TMTC2: variants seen among roughly 807,000 people sequenced by gnomAD.
TMTC2 encodes protein O-mannosyl-transferase TMTC2.
A neutral mutation model predicts 82.4 loss-of-function variants in TMTC2; 43 were observed. That is an observed-to-expected ratio of 0.52 (90% confidence interval 0.41 to 0.67). The LOEUF (loss-of-function observed/expected upper bound fraction) is 0.67, where lower values mean the gene tolerates loss of function less well. TMTC2 is among the 30% of genes least tolerant of loss of function. The pLI, the probability that TMTC2 is intolerant of heterozygous loss-of-function variation, is 0.00. For synonymous variants in TMTC2, 408 were observed against 381.9 expected (o/e 1.07, Z -0.80); for missense variants, 919 against 1,012.4 (o/e 0.91, Z 1.25).
chr12:83,080,190 C>T (rs1240448714), intron 11 of TMTC2, among the ~76,000 whole-genome samples: 5 of 152,156 alleles, frequency 3.3e-5, no homozygotes, highest in African/African-American at 2.4e-5. Context: ...CACATCATTA[C>T]TTTAAACCTA....
chr12:83,088,039 A>C (rs2137514662), intron 11 of TMTC2, among the ~76,000 whole-genome samples: 1 of 152,338 alleles, frequency 6.6e-6, no homozygotes, highest in Middle Eastern at 3.4e-3. Context: ...GTACAGCCAT[A>C]TCCATCAATG....
rs1020771556 is a variant in TMTC2, at chr12:82,927,248, G to A, written c.1484-3183G>A. Reference sequence around the variant, plus strand: ...CAACATTAGCAGGAATTTGGAAGAAGTTGATTCCAATCCTTATGGATACCT... The same window carrying A: ...CAACATTAGCAGGAATTTGGAAGAAATTGATTCCAATCCTTATGGATACCT... On this transcript the variant is annotated intron_variant, in intron 3 of 11. Coordinates refer to ENST00000321196, the MANE Select transcript of TMTC2 (RefSeq NM_152588.3). 3.1e-4 allele frequency among the ~76,000 whole-genome samples: 47 copies of A among 152,202 alleles called. 1 individual carries two copies. The highest frequency in any genetic ancestry group is 6.3e-4 in the Non-Finnish European group (43 of 68,016).
chr12:83,071,160 TG>T (rs1404553168), intron 11 of TMTC2, among the ~76,000 whole-genome samples: 114 of 112,692 alleles, frequency 1.0e-3, no homozygotes, highest in African/African-American at 4.1e-3. Flanking sequence ...TTTTTTTTTT[TG>T]TTTTTTTTTT....
At chr12:83,022,465 T>G (rs1565857423) in intron 8 of TMTC2, among the ~76,000 whole-genome samples, 1 of 148,260 alleles carries the variant, frequency 6.7e-6, no homozygotes, top group Non-Finnish European at 1.5e-5. Flanking sequence ...AAACTAAGGA[T>G]TCCACCACTA....
At chr12:82,927,611 C>T (rs1457315989) in intron 3 of TMTC2, among the ~76,000 whole-genome samples, 1 of 152,166 alleles carries the variant, frequency 6.6e-6, no homozygotes, top group Non-Finnish European at 1.5e-5. Flanking sequence ...CAAATAACAT[C>T]ACCTGTTACA....
intron 2 of TMTC2, among the ~76,000 whole-genome samples, chr12:82,867,015 C>T (rs1871901319): frequency 1.3e-5 from 2 of 152,094 alleles, no homozygotes; most frequent in Non-Finnish European, 2.9e-5. Flanking sequence ...GTATTTCTTT[C>T]TTCAAAAAGG....
chr12:82,987,405 C>CGG, intron 8 of TMTC2, among the ~76,000 whole-genome samples: 1 of 8,268 alleles, frequency 1.2e-4, no homozygotes. Context: ...GCCTGGGCAA[C>CGG]AGAGACTCCA....
chr12:82,821,025 AT>A (rs113332203), intron 1 of TMTC2, among the ~76,000 whole-genome samples: 109 of 145,336 alleles, frequency 7.5e-4, no homozygotes, highest in South Asian at 6.6e-4. Context: ...TGCCTGGATA[AT>A]TTTTTTTTTT....
intron 1 of TMTC2, among the ~76,000 whole-genome samples, chr12:82,751,103 A>G (rs1051605828): frequency 6.6e-6 from 1 of 152,160 alleles, no homozygotes; most frequent in African/African-American, 2.4e-5. Context: ...CTAAAATTAA[A>G]TATATACACA....
chr12:82,869,865 A>T (rs1872081171), intron 2 of TMTC2, among the ~76,000 whole-genome samples: 2 of 151,738 alleles, frequency 1.3e-5, no homozygotes, highest in South Asian at 4.1e-4. Context: ...AAAAAATAAA[A>T]ATAAAAAAAA....
At chr12:83,078,151 T>C (rs1176111043) in intron 11 of TMTC2, among the ~76,000 whole-genome samples, 2 of 151,870 alleles carry the variant, frequency 1.3e-5, no homozygotes, top group Non-Finnish European at 1.5e-5. Context: ...GGTGATCAGA[T>C]ATCGAGGGTG....
intron 7 of TMTC2, among the ~76,000 whole-genome samples, chr12:82,979,257 ACTTC>A (rs562724871): frequency 3.3e-5 from 5 of 151,264 alleles, no homozygotes; most frequent in Non-Finnish European, 5.9e-5. Flanking sequence ...TTCTTTCTTT[ACTTC>A]CTTCCTGTCT....
intron 1 of TMTC2, among the ~76,000 whole-genome samples, chr12:82,829,339 T>C (rs939898398): frequency 1.3e-5 from 2 of 152,216 alleles, no homozygotes; most frequent in African/African-American, 2.4e-5. Context: ...CAGTTGTCCT[T>C]ACCTCTCTAT....
At chr12:82,945,919 T>C (rs1263718674) in intron 4 of TMTC2, among the ~76,000 whole-genome samples, 1 of 152,210 alleles carries the variant, frequency 6.6e-6, no homozygotes, top group Non-Finnish European at 1.5e-5. Flanking sequence ...TGATAGTGAA[T>C]TTAAAAAATG....
At chr12:82,781,676 T>C (rs1012118588) in intron 1 of TMTC2, among the ~76,000 whole-genome samples, 1 of 151,804 alleles carries the variant, frequency 6.6e-6, no homozygotes, top group African/African-American at 2.4e-5. Context: ...TTCTTTTTCT[T>C]TCTTTCCTCT....
chr12:82,980,365 A>G (rs2137327448), intron 7 of TMTC2, among the ~76,000 whole-genome samples: 1 of 151,956 alleles, frequency 6.6e-6, no homozygotes, highest in Admixed American at 6.6e-5. Context: ...TAAACCTGAT[A>G]TCTTAGAAGG....
intron 1 of TMTC2, among the ~76,000 whole-genome samples, chr12:82,722,662 A>G (rs1240615273): frequency 1.3e-5 from 2 of 151,734 alleles, no homozygotes; most frequent in Non-Finnish European, 2.9e-5. Flanking sequence ...GAATCACTTG[A>G]ACCTGGGAGG....
chr12:82,810,005 A>T lies in TMTC2; in HGVS notation c.84-47005A>T, dbSNP rs539156708. 1.2e-4 allele frequency among the ~76,000 whole-genome samples: 18 copies of T among 152,174 alleles called. No individual in the cohort carries two copies. In the East Asian group the frequency reaches 3.3e-3, roughly 28 times the overall value. On this transcript the variant is annotated intron_variant, in intron 1 of 11. Coordinates refer to ENST00000321196, the MANE Select transcript of TMTC2 (RefSeq NM_152588.3). The stretch of plus-strand genomic sequence containing the variant: ...CATCTTAATCTCTTCATTTTAGAGG[A>T]GCTGAAATGCTGAGAATTTATATAC...
intron 1 of TMTC2, among the ~76,000 whole-genome samples, chr12:82,762,141 A>G (rs554865954): frequency 6.6e-6 from 1 of 151,428 alleles, no homozygotes; most frequent in Admixed American, 6.6e-5. Flanking sequence ...TAATTTTTGT[A>G]TTTTTTTAGT....
Sources: allele counts gnomAD v4.1 joint callset (sites outside exome capture counted in the v4.1 genomes callset), GRCh38; gene constraint gnomAD v4.1.1; transcripts MANE v1.5; gene names NCBI Gene and HGNC (gene_info 2026-07-23, HGNC 2026-07-21).